RIMS2: variants seen among roughly 807,000 people sequenced by gnomAD.
The protein encoded by RIMS2 is regulating synaptic membrane exocytosis protein 2.
RIMS2 carries 59 observed loss-of-function variants against 174.4 expected under a neutral mutation model. The observed-to-expected ratio is 0.34, with a 90% CI of 0.27 to 0.42. The LOEUF (loss-of-function observed/expected upper bound fraction) is 0.42, where lower values mean the gene tolerates loss of function less well. RIMS2 is among the 10% of genes least tolerant of loss of function. The pLI is 1.00. For synonymous variants in RIMS2, 606 were observed against 572.5 expected (o/e 1.06, Z -0.84); for missense variants, 1,620 against 1,666.3 (o/e 0.97, Z 0.48).
intron 19 of RIMS2, among the ~76,000 whole-genome samples, chr8:104,191,584 G>A (rs994596034): frequency 6.6e-6 from 1 of 152,102 alleles, no homozygotes. Context: ...GAAATATTTA[G>A]AAGCTTTAGC....
chr8:103,992,271 G>GTTTT (rs2094758956), intron 17 of RIMS2, among the ~76,000 whole-genome samples: 2 of 101,652 alleles, frequency 2.0e-5, no homozygotes, highest in South Asian at 6.6e-4. Flanking sequence ...ACCATGTCCA[G>GTTTT]CTATTTTTTT....
At chr8:103,956,932 G>A (rs1360974977) in intron 14 of RIMS2, among the ~76,000 whole-genome samples, 2 of 152,104 alleles carry the variant, frequency 1.3e-5, no homozygotes, top group African/African-American at 4.8e-5. Context: ...GCATCAAAAA[G>A]TGGAGGAAGG....
At chr8:104,029,674 T>C (rs933187526) in intron 19 of RIMS2, among the ~76,000 whole-genome samples, 2 of 152,080 alleles carry the variant, frequency 1.3e-5, no homozygotes, top group African/African-American at 4.8e-5. Context: ...ATAGGCTGAC[T>C]ATTTTTAAAA....
At chr8:104,245,204 C>T in intron 20 of RIMS2, 147 bp downstream of exon 26, 2 of 725,524 alleles carry the variant, frequency 2.8e-6, no homozygotes, top group Non-Finnish European at 4.5e-6. Flanking sequence ...ACTTTGCTCA[C>T]CTGCCACTGA....
intron 1 of RIMS2, among the ~76,000 whole-genome samples, chr8:103,562,214 A>G (rs748867577): frequency 6.6e-6 from 1 of 152,194 alleles, no homozygotes; most frequent in Non-Finnish European, 1.5e-5. Context: ...TCATTTCAGC[A>G]TTAACTCAAA....
At chr8:103,895,505 A>G (rs1041129043) in intron 4 of RIMS2, among the ~76,000 whole-genome samples, 1 of 151,270 alleles carries the variant, frequency 6.6e-6, no homozygotes, top group African/African-American at 2.5e-5. Flanking sequence ...CATCATGAAG[A>G]CTCCACTCTC....
chr8:103,621,553 G>C (rs2095635822), intron 1 of RIMS2, among the ~76,000 whole-genome samples: 2 of 152,236 alleles, frequency 1.3e-5, no homozygotes, highest in South Asian at 4.1e-4. Context: ...TGGGAGCTAA[G>C]AACATAAAGT....
intron 3 of RIMS2, among the ~76,000 whole-genome samples, chr8:103,778,717 G>GT (rs1304927299): frequency 6.6e-6 from 1 of 152,140 alleles, no homozygotes; most frequent in East Asian, 1.9e-4. Flanking sequence ...AAACATGGGA[G>GT]TGCAGATATC....
intron 19 of RIMS2, among the ~76,000 whole-genome samples, chr8:104,100,927 GTGATATA>G (rs1279116186): frequency 2.6e-5 from 3 of 113,272 alleles, no homozygotes; most frequent in Non-Finnish European, 5.1e-5. Context: ...TATTATATAT[GTGATATA>G]TTATATATTA....
At chr8:104,010,764 G>T (rs1037415890) in intron 17 of RIMS2, among the ~76,000 whole-genome samples, 15 of 152,108 alleles carry the variant, frequency 9.9e-5, no homozygotes, top group Non-Finnish European at 2.1e-4. Flanking sequence ...AAATTTACAG[G>T]TGAGGGGGCC....
At chr8:103,585,476 C>T (rs1438993017) in intron 1 of RIMS2, among the ~76,000 whole-genome samples, 3 of 152,182 alleles carry the variant, frequency 2.0e-5, no homozygotes, top group Admixed American at 6.5e-5. Context: ...AGACTTGAAA[C>T]CAACACAAAT....
intron 19 of RIMS2, among the ~76,000 whole-genome samples, chr8:104,088,763 A>G (rs1298496623): frequency 2.0e-5 from 3 of 151,992 alleles, no homozygotes; most frequent in African/African-American, 7.2e-5. Flanking sequence ...AAGAACTTCA[A>G]ATGAGTACTG....
At chr8:103,766,234 G>T in exon 3 of RIMS2, 1 of 1,609,796 alleles carries the variant, frequency 6.2e-7, no homozygotes, top group South Asian at 1.1e-5. Context: ...CAGGTTATGT[G>T]GGTATGTAAT....
chr8:104,123,194 T>G (rs926117294), intron 19 of RIMS2, among the ~76,000 whole-genome samples: 1 of 152,086 alleles, frequency 6.6e-6, no homozygotes, highest in South Asian at 2.1e-4. Flanking sequence ...TTATAAAATA[T>G]GGTATAATGC....
In RIMS2 at chr8:103,983,859, C is replaced by T. The variant is rs528643719; in HGVS notation, c.2928-5446C>T. On this transcript the variant is annotated intron_variant, in intron 16 of 23. Coordinates refer to ENST00000504942, the Ensembl canonical transcript of RIMS2. ...CTTGGCAACAATTTCTTGAGTAATA[C>T]CCCACACACAGGCAAACAAAGCAAA... Among the ~76,000 whole-genome samples the T allele has an allele frequency of 1.1e-4, 17 of 152,210 alleles. No individual in the cohort carries two copies. The South Asian group carries it at 3.5e-3, about 32-fold the overall frequency.
intron 13 of RIMS2, among the ~76,000 whole-genome samples, chr8:103,936,931 T>C (rs372199588): frequency 7.8e-4 from 119 of 152,028 alleles, no homozygotes; most frequent in African/African-American, 2.6e-3. Flanking sequence ...CCGTCTCTAC[T>C]ACAGATACAA....
intron 8 of RIMS2, among the ~76,000 whole-genome samples, chr8:103,917,828 A>T (rs532958185): frequency 3.3e-5 from 5 of 152,134 alleles, no homozygotes. Context: ...CCTGGCCAAC[A>T]TGGTGAAACC....
intron 1 of RIMS2, among the ~76,000 whole-genome samples, chr8:103,627,574 A>G (rs1246616589): frequency 2.0e-5 from 3 of 152,252 alleles, no homozygotes; most frequent in Non-Finnish European, 2.9e-5. Context: ...AAGAAATTAT[A>G]AAAGTATTAA....
intron 3 of RIMS2, among the ~76,000 whole-genome samples, chr8:103,845,757 GACA>G (rs748447519): frequency 2.4e-4 from 37 of 152,264 alleles, no homozygotes; most frequent in Non-Finnish European, 5.0e-4. Context: ...AACAGCCTAA[GACA>G]ACATCTCCAG....
Sources: allele counts gnomAD v4.1 joint callset (sites outside exome capture counted in the v4.1 genomes callset), GRCh38; gene constraint gnomAD v4.1.1; transcripts MANE v1.5; gene names NCBI Gene and HGNC (gene_info 2026-07-23, HGNC 2026-07-21).